The following LOC128462377 variants were observed in gnomAD, a reference collection of about 807,000 sequenced individuals.
the LOC128462377 span, among the ~76,000 whole-genome samples, chr16:89,353,157 T>C: frequency 2.0e-5 from 3 of 151,874 alleles, no homozygotes; most frequent in Non-Finnish European, 4.4e-5. Flanking sequence ...GCCTGGCCAA[T>C]ATGGTGAAAC....
At chr16:89,399,402 C>T in the LOC128462377 span, among the ~76,000 whole-genome samples, 1 of 152,200 alleles carries the variant, frequency 6.6e-6, no homozygotes, top group East Asian at 1.9e-4. Flanking sequence ...GAAAGCAGCC[C>T]GTCTCCAAGG....
the LOC128462377 span, among the ~76,000 whole-genome samples, chr16:89,341,202 C>T: frequency 2.0e-5 from 3 of 152,268 alleles, no homozygotes; most frequent in Middle Eastern, 6.8e-3. Flanking sequence ...GGGTGAGATC[C>T]GCGGAGAAGA....
the LOC128462377 span, among the ~76,000 whole-genome samples, chr16:89,341,246 C>A: frequency 4.6e-5 from 7 of 152,182 alleles, no homozygotes; most frequent in Admixed American, 4.6e-4. Context: ...CAAGCAGACC[C>A]GGTTTGGAAA....
chr16:89,378,866 G>A, the LOC128462377 span, among the ~76,000 whole-genome samples: 2 of 152,114 alleles, frequency 1.3e-5, no homozygotes, highest in Admixed American at 1.3e-4. Flanking sequence ...TGATGGGTGG[G>A]GCGAGGTGGG....
At chr16:89,383,541 G>A in the LOC128462377 span, among the ~76,000 whole-genome samples, 1 of 152,246 alleles carries the variant, frequency 6.6e-6, no homozygotes, top group Non-Finnish European at 1.5e-5. Context: ...CAAGAAGGAA[G>A]AGCCATGAAG....
At chr16:89,323,685 G>A in the LOC128462377 span, 5 of 302,566 alleles carry the variant, frequency 1.7e-5, no homozygotes, top group Non-Finnish European at 3.2e-5. Context: ...CCACGTCAGC[G>A]TCTCTGTCCA....
the LOC128462377 span, among the ~76,000 whole-genome samples, chr16:89,352,097 G>A: frequency 6.6e-6 from 1 of 151,808 alleles, no homozygotes; most frequent in Non-Finnish European, 1.5e-5. Flanking sequence ...CAACATGTTG[G>A]TCAGATTGGT....
the LOC128462377 span, among the ~76,000 whole-genome samples, chr16:89,332,201 A>G: frequency 6.6e-6 from 1 of 152,180 alleles, no homozygotes; most frequent in Non-Finnish European, 1.5e-5. Flanking sequence ...TGACTTCCTT[A>G]CGTATTAAAG....
chr16:89,349,054 G>T, the LOC128462377 span, among the ~76,000 whole-genome samples: 1 of 146,386 alleles, frequency 6.8e-6, no homozygotes, highest in African/African-American at 2.5e-5. Context: ...CTTGAACCTG[G>T]GAGGCGGAGG....
the LOC128462377 span, among the ~76,000 whole-genome samples, chr16:89,407,424 C>G: frequency 6.6e-6 from 1 of 152,174 alleles, no homozygotes; most frequent in African/African-American, 2.4e-5. Flanking sequence ...TCCCCAGGCC[C>G]TTCCCAGCAT....
chr16:89,406,542 C>G, the LOC128462377 span, among the ~76,000 whole-genome samples: 1 of 152,208 alleles, frequency 6.6e-6, no homozygotes, highest in African/African-American at 2.4e-5. Flanking sequence ...ACACAGGCAC[C>G]AGAGGCTGCA....
chr16:89,414,057 C>A, the LOC128462377 span, among the ~76,000 whole-genome samples: 1 of 151,852 alleles, frequency 6.6e-6, no homozygotes, highest in African/African-American at 2.4e-5. Flanking sequence ...GGCCTGCACA[C>A]CCTCCAGGAT....
At chr16:89,345,060 G>A in the LOC128462377 span, among the ~76,000 whole-genome samples, 9 of 152,138 alleles carry the variant, frequency 5.9e-5, no homozygotes, top group Non-Finnish European at 1.3e-4. Context: ...AGCCCAGCTC[G>A]GATGGTTTCT....
the LOC128462377 span, chr16:89,343,605 G>C: frequency 6.6e-6 from 1 of 152,210 alleles, no homozygotes; most frequent in Non-Finnish European, 1.5e-5. Context: ...ACCTCGTTCA[G>C]AACCTCACCC....
the LOC128462377 span, among the ~76,000 whole-genome samples, chr16:89,402,821 G>T: frequency 1.4e-5 from 2 of 147,830 alleles, no homozygotes; most frequent in Admixed American, 1.3e-4. Context: ...ATGAGGTTGG[G>T]GGGGCGGCAC....
chr16:89,322,526 AGTC>A, the LOC128462377 span, among the ~76,000 whole-genome samples: 1 of 152,250 alleles, frequency 6.6e-6, no homozygotes, highest in Non-Finnish European at 1.5e-5. Flanking sequence ...GAAGACAGGA[AGTC>A]AGCAGCAGGG....
the LOC128462377 span, chr16:89,328,905 G>A: frequency 9.0e-6 from 1 of 110,668 alleles, no homozygotes; most frequent in African/African-American, 3.8e-5. Context: ...GAGCACGGGC[G>A]AAATCAGTGG....
At chr16:89,332,367 C>G in the LOC128462377 span, among the ~76,000 whole-genome samples, 1 of 152,194 alleles carries the variant, frequency 6.6e-6, no homozygotes, top group Admixed American at 6.5e-5. Flanking sequence ...TGTACCTTTT[C>G]AGAAAGAAAC....
the LOC128462377 span, among the ~76,000 whole-genome samples, chr16:89,388,712 AAAG>A: frequency 3.7e-4 from 56 of 152,136 alleles, 1 homozygote; most frequent in Admixed American, 3.7e-3. Context: ...TCATCCACAC[AAAG>A]AAGAGCCGGC....
Sources: allele counts gnomAD v4.1 joint callset (sites outside exome capture counted in the v4.1 genomes callset), GRCh38; gene constraint gnomAD v4.1.1; transcripts MANE v1.5.